Variants in CCNH observed in about 807,000 individuals in gnomAD.
CCNH encodes cyclin-H.
A neutral mutation model predicts 41.9 loss-of-function variants in CCNH; 31 were observed. That is an observed-to-expected ratio of 0.74 (90% confidence interval 0.56 to 1.00). The LOEUF (loss-of-function observed/expected upper bound fraction) is 1.00. CCNH is among the 50% of genes least tolerant of loss of function. The probability of loss-of-function intolerance (pLI) is 0.00; values close to 1 mark genes in which losing one functional copy is unlikely to be tolerated. For synonymous variants in CCNH, 138 were observed against 136.1 expected, an observed-to-expected ratio of 1.01 and a Z score of -0.10; for missense variants, 362 against 388.4, an observed-to-expected ratio of 0.93 and a Z score of 0.57.
At chr5:87,374,483 T>G (rs1761182509), downstream of CCNH, among the ~76,000 whole-genome samples, 1 of 149,658 alleles carries the variant, frequency 6.7e-6, no homozygotes, top group African/African-American at 2.4e-5. Flanking sequence ...TTTCTGTTGT[T>G]TGTTCACCTT....
Position 87,411,387 on chromosome 5 carries a change from T to C in CCNH, c.118-41A>G, listed in dbSNP as rs1474005522. The C allele has an allele frequency of 1.9e-6, 3 of 1,560,986 alleles. No individual in the cohort carries two copies. In the African/African-American group the frequency reaches 4.1e-5, roughly 21 times the overall value. ...TACAACACAAGTTCAATGAATTCAA[T>C]GAATTAAACAATTGTAAAACATTTT... On this transcript the variant is annotated intron_variant, in intron 1 of 8. Coordinates refer to ENST00000256897, the MANE Select transcript of CCNH (RefSeq NM_001239.4).
intron 7 of CCNH, 43 bp from the exon 8 acceptor site, chr5:87,395,147 CAG>C: frequency 6.4e-7 from 1 of 1,560,862 alleles, no homozygotes; most frequent in Non-Finnish European, 8.8e-7. Flanking sequence ...ATACCAGCCA[CAG>C]AAACTATAAA....
At chr5:87,375,329 C>T (rs138818535), downstream of CCNH, among the ~76,000 whole-genome samples, 10 of 150,630 alleles carry the variant, frequency 6.6e-5, no homozygotes, top group East Asian at 1.8e-3. Context: ...GGTGTGATCT[C>T]GGCTCACTGC....
At chr5:87,346,647 A>G (rs911365610) in intron 9 of CCNH, 5 of 1,442,296 alleles carry the variant, frequency 3.5e-6, no homozygotes, top group African/African-American at 1.4e-5. Flanking sequence ...CTTTATTTAT[A>G]TATCTAATTT....
chr5:87,367,995 G>GT (rs1176314180), intron 9 of CCNH, among the ~76,000 whole-genome samples: 11 of 151,928 alleles, frequency 7.2e-5, no homozygotes, highest in East Asian at 3.9e-4. Context: ...TTATCCTTAG[G>GT]TTTGTAGTGC....
At chr5:87,394,911 G>A in intron 8 of CCNH, 133 bp downstream of exon 8, 1 of 1,527,718 alleles carries the variant, frequency 6.5e-7, no homozygotes, top group Non-Finnish European at 8.7e-7. Flanking sequence ...CTGTACGTAA[G>A]GAAGTATGCA....
At chr5:87,355,248 T>C (rs1759563534) in intron 9 of CCNH, among the ~76,000 whole-genome samples, 1 of 152,204 alleles carries the variant, frequency 6.6e-6, no homozygotes, top group African/African-American at 2.4e-5. Context: ...GAGTTAATGC[T>C]TGGCTTCGAA....
intron 9 of CCNH, chr5:87,331,566 A>T: frequency 2.6e-6 from 4 of 1,537,246 alleles, no homozygotes; most frequent in Non-Finnish European, 3.6e-6. Context: ...TCATAAATAT[A>T]CCTGTATAAT....
rs1006512652 is a variant in CCNH at position 87,412,448 on chromosome 5, A to G, written c.117+230T>C. On this transcript the variant is annotated intron_variant, in intron 1 of 8. Transcript: ENST00000256897. ...CACACTACTTACTCTCTTCTTCACT[A>G]CGTTACAAAGACTGGTTACTTGTCT... The G allele has an allele frequency of 2.2e-6, 3 of 1,389,282 alleles. No homozygotes were observed. In the African/African-American group the frequency reaches 4.4e-5, roughly 20 times the overall value. The allele number at this position is 1,389,282 out of a possible 1,614,324, so 86.1% of individuals were successfully genotyped here.
chr5:87,344,482 C>T (rs1015530886), intron 9 of CCNH, among the ~76,000 whole-genome samples: 4 of 151,936 alleles, frequency 2.6e-5, no homozygotes, highest in Non-Finnish European at 4.4e-5. Context: ...TCCTAATCTC[C>T]AGCATGTAGG....
At chr5:87,376,787 T>A in exon 1 of CCNH, 1 of 1,342,268 alleles carries the variant, frequency 7.5e-7, no homozygotes. Flanking sequence ...ATTTTAAATA[T>A]AAGAACTTGT....
chr5:87,367,913 G>C, intron 9 of CCNH, among the ~76,000 whole-genome samples: 1 of 151,694 alleles, frequency 6.6e-6, no homozygotes, highest in East Asian at 1.9e-4. Context: ...ACTTTCTCTG[G>C]ATGCTTTGAG....
chr5:87,364,323 G>A (rs1760341552), intron 9 of CCNH, among the ~76,000 whole-genome samples: 1 of 152,026 alleles, frequency 6.6e-6, no homozygotes, highest in Non-Finnish European at 1.5e-5. Flanking sequence ...AGTGTGTTTA[G>A]GAGATCACAT....
chr5:87,410,624 G>C (rs1449197609), intron 2 of CCNH, among the ~76,000 whole-genome samples: 1 of 152,004 alleles, frequency 6.6e-6, no homozygotes, highest in Non-Finnish European at 1.5e-5. Flanking sequence ...ACAACATTTT[G>C]AACACCCTCC....
chr5:87,382,360 G>A lies in CCNH; in HGVS notation c.*90+10410C>T, dbSNP rs941779413. 4.1e-4 allele frequency among the ~76,000 whole-genome samples: 63 copies of A among 152,188 alleles called. 1 individual carries two copies. Among genetic ancestry groups the A allele is most frequent in the African/African-American group, 1.4e-3 (59 of 41,524 alleles). On this transcript the variant is annotated intron_variant and NMD_transcript_variant, in intron 9 of 9. Transcript: ENST00000645953. Reference sequence around the variant, plus strand: ...TTCAAAGGTAAATGCTAAGAAATTGGGTAATCCACTCTAACAGAGAACAGA... The same window carrying A: ...TTCAAAGGTAAATGCTAAGAAATTGAGTAATCCACTCTAACAGAGAACAGA...
At chr5:87,330,883 T>C in intron 9 of CCNH, 1 of 1,109,562 alleles carries the variant, frequency 9.0e-7, no homozygotes, top group South Asian at 2.3e-5. Context: ...AATTCTGTTT[T>C]CCTGTCGCAG....
chr5:87,392,818 C>CT (rs923125824), downstream of CCNH: 9 of 155,088 alleles, frequency 5.8e-5, no homozygotes, highest in African/African-American at 2.2e-4. Flanking sequence ...AATAAAATCT[C>CT]TCACACTTTA....
At chr5:87,396,953 A>C (rs1450030531) in intron 7 of CCNH, among the ~76,000 whole-genome samples, 1 of 152,238 alleles carries the variant, frequency 6.6e-6, no homozygotes, top group Non-Finnish European at 1.5e-5. Flanking sequence ...GGTTTTGATC[A>C]AAGGGAACTT....
exon 1 of CCNH, chr5:87,377,071 GAAAC>G: frequency 6.3e-7 from 1 of 1,595,814 alleles, no homozygotes; most frequent in East Asian, 2.2e-5. Context: ...TGTGATACAA[GAAAC>G]TGGGTTTAGA....
Sources: gnomAD v4.1 joint callset for allele counts (sites outside exome capture counted in the v4.1 genomes callset) on GRCh38, gnomAD v4.1.1 for gene constraint, MANE v1.5 for transcripts, NCBI Gene and HGNC (gene_info 2026-07-23, HGNC 2026-07-21) for gene names.